The following LITAF variants were observed in gnomAD, a reference collection of about 807,000 sequenced individuals.
The protein encoded by LITAF is lipopolysaccharide induced TNF factor.
In LITAF, 9 loss-of-function variants were observed where a neutral mutation model predicts 14.5. The observed-to-expected ratio is 0.62, with a 90% CI of 0.37 to 1.08. LITAF has a LOEUF of 1.08. Among genes scored for constraint, LITAF ranks in the 50% least tolerant of loss-of-function variants. LITAF has a pLI of 0.01. For synonymous variants in LITAF, 98 were observed against 88.2 expected (o/e 1.11, Z -0.62); for missense variants, 206 against 213.4 (o/e 0.97, Z 0.22).
intron 1 of LITAF, among the ~76,000 whole-genome samples, chr16:11,578,823 T>A (rs895061373): frequency 6.6e-6 from 1 of 152,110 alleles, no homozygotes; most frequent in African/African-American, 2.4e-5. Flanking sequence ...TCAAAAAGTA[T>A]CTAGGTTATG....
At chr16:11,582,737 G>A (rs912923282) in intron 1 of LITAF, among the ~76,000 whole-genome samples, 6 of 152,180 alleles carry the variant, frequency 3.9e-5, no homozygotes, top group East Asian at 1.9e-4. Context: ...AACCAGCTGC[G>A]AGGGTCAAAA....
At chr16:11,633,213 G>A (rs2065125859) in intron 3 of LITAF, among the ~76,000 whole-genome samples, 1 of 152,190 alleles carries the variant, frequency 6.6e-6, no homozygotes. Context: ...CACCTGAACA[G>A]GGAAGTGGCC....
At chr16:11,585,761 T>G (rs941656049) in intron 1 of LITAF, among the ~76,000 whole-genome samples, 1 of 152,128 alleles carries the variant, frequency 6.6e-6, no homozygotes, top group Non-Finnish European at 1.5e-5. Flanking sequence ...CCAGCACCAG[T>G]GCACCAGGCC....
chr16:11,614,931 C>T (rs534539490), intron 3 of LITAF, among the ~76,000 whole-genome samples: 1 of 152,222 alleles, frequency 6.6e-6, no homozygotes, highest in Admixed American at 6.5e-5. Flanking sequence ...GTCATGACAG[C>T]GAATGCATGG....
chr16:11,637,146 C>A (rs2065141335), upstream of LITAF, among the ~76,000 whole-genome samples: 1 of 152,216 alleles, frequency 6.6e-6, no homozygotes. Context: ...CCACCTCGGC[C>A]TCCCACAGTG....
At chr16:11,556,295 G>A (rs1239590279) in intron 2 of LITAF, 1 of 573,132 alleles carries the variant, frequency 1.7e-6, no homozygotes, top group Non-Finnish European at 3.1e-6. Context: ...GATGACCATG[G>A]GAAAGATCCT....
intron 1 of LITAF, among the ~76,000 whole-genome samples, chr16:11,597,597 A>G (rs1450796825): frequency 1.3e-5 from 2 of 152,198 alleles, no homozygotes; most frequent in Admixed American, 1.3e-4. Flanking sequence ...CTCTACGTCC[A>G]TGCTCAGCCC....
At chr16:11,618,986 A>G (rs1454665303) in intron 3 of LITAF, among the ~76,000 whole-genome samples, 1 of 133,102 alleles carries the variant, frequency 7.5e-6, no homozygotes, top group African/African-American at 3.5e-5. Context: ...CGGTCTTAAA[A>G]AAAAAACAAA....
chr16:11,618,015 T>C (rs2141888848), intron 3 of LITAF, among the ~76,000 whole-genome samples: 1 of 152,016 alleles, frequency 6.6e-6, no homozygotes, highest in South Asian at 2.1e-4. Flanking sequence ...GGACTACAGG[T>C]GCATGCCACC....
At chr16:11,609,983 T>A (rs1342319062) in intron 3 of LITAF, among the ~76,000 whole-genome samples, 1 of 152,212 alleles carries the variant, frequency 6.6e-6, no homozygotes, top group African/African-American at 2.4e-5. Flanking sequence ...AGGCACCAAA[T>A]GACCCCAATG....
chr16:11,623,858 T>C (rs573401922), intron 3 of LITAF, among the ~76,000 whole-genome samples: 8 of 151,878 alleles, frequency 5.3e-5, no homozygotes, highest in Admixed American at 4.6e-4. Context: ...TCCCAGCTAC[T>C]TGGGAGGCTG....
chr16:11,609,316 A>G (rs2064970106), intron 3 of LITAF, among the ~76,000 whole-genome samples: 1 of 151,210 alleles, frequency 6.6e-6, no homozygotes. Context: ...AGTTCAAGCG[A>G]TTCTCCCGCC....
At chr16:11,591,463 G>C (rs2064845700), upstream of LITAF, among the ~76,000 whole-genome samples, 1 of 151,794 alleles carries the variant, frequency 6.6e-6, no homozygotes, top group South Asian at 2.1e-4. Flanking sequence ...GGGATTACAG[G>C]TATGAGCCAC....
At chr16:11,593,354 CAAAAAAAAAAAAA>C (rs57678584) in intron 1 of LITAF, among the ~76,000 whole-genome samples, 1 of 54,752 alleles carries the variant, frequency 1.8e-5, no homozygotes, top group Admixed American at 2.4e-4. Flanking sequence ...AACTCTGTCT[CAAAAAAAAAAAAA>C]AAAAAAAAAA....
chr16:11,567,900 C>G (rs2064479017), intron 1 of LITAF, among the ~76,000 whole-genome samples: 1 of 152,190 alleles, frequency 6.6e-6, no homozygotes, highest in Non-Finnish European at 1.5e-5. Context: ...AGGAGAAGTG[C>G]TTCAACCCAG....
upstream of LITAF, among the ~76,000 whole-genome samples, chr16:11,599,840 G>A (rs1349437901): frequency 2.0e-5 from 3 of 152,086 alleles, no homozygotes; most frequent in Non-Finnish European, 4.4e-5. Context: ...CTGGACTGCA[G>A]GCATCCCAGG....
At chr16:11,587,662 A>C (rs1009980818), upstream of LITAF, 1 of 226,626 alleles carries the variant, frequency 4.4e-6, no homozygotes. Flanking sequence ...CCATCACTGA[A>C]AGCAAGCTCT....
intron 3 of LITAF, among the ~76,000 whole-genome samples, chr16:11,621,213 T>C (rs964057768): frequency 1.3e-5 from 2 of 152,192 alleles, no homozygotes; most frequent in African/African-American, 2.4e-5. Flanking sequence ...TATAGGCATG[T>C]GCCACCACGC....
At chr16:11,555,746 C>T (rs1401012827) in intron 2 of LITAF, among the ~76,000 whole-genome samples, 1 of 152,106 alleles carries the variant, frequency 6.6e-6, no homozygotes, top group African/African-American at 2.4e-5. Flanking sequence ...CATCCTCTTC[C>T]AGCTCAAAAT....
Sources: gnomAD v4.1 joint callset for allele counts (sites outside exome capture counted in the v4.1 genomes callset) on GRCh38, gnomAD v4.1.1 for gene constraint, MANE v1.5 for transcripts, NCBI Gene and HGNC (gene_info 2026-07-23, HGNC 2026-07-21) for gene names.